PCDHA9: variants seen among roughly 807,000 people sequenced by gnomAD.
PCDHA9 encodes the protein protocadherin alpha 9, also known as protocadherin alpha-9.
Under a neutral mutation model 62.0 loss-of-function variants are expected in PCDHA9, and 62 were observed. That is an observed-to-expected ratio of 1.00 (90% CI 0.81 to 1.23). PCDHA9 has a LOEUF of 1.23. Among genes scored for constraint, PCDHA9 ranks in the 50% most tolerant of loss-of-function variants. PCDHA9 has a pLI of 0.00. For missense variants in PCDHA9, 1,205 were observed against 1,249.8 expected, an observed-to-expected ratio of 0.96 and a Z score of 0.54; for synonymous variants, 557 against 567.6, an observed-to-expected ratio of 0.98 and a Z score of 0.27.
Position 140,850,921 on chromosome 5 carries a change from T to G in PCDHA9, c.2394+32T>G, listed in dbSNP as rs2150502315. 43 of 1,526,092 alleles carry G rather than the reference T, an allele frequency of 2.8e-5. 3 individuals carry two copies. In the African/African-American group the frequency reaches 3.6e-4, roughly 13 times the overall value. 94.5% of individuals were successfully genotyped at this position (1,526,092 alleles called of 1,614,324 possible). ...TTTTCTAGCATTTTATTTATTTATA[T>G]AATTTTTTTTCTTGAAAGATATTAT... On this transcript the variant is annotated intron_variant, in intron 1 of 3. Coordinates refer to ENST00000532602, the MANE Select transcript of PCDHA9 (RefSeq NM_031857.2).
chr5:141,009,649 C>G lies in PCDHA9; in HGVS notation c.2565C>G (p.Ser855=). The change falls in exon 4 of 4, where the codon TCC becomes TCG. Residue 855 remains serine, a synonymous_variant. Coordinates refer to ENST00000532602, the MANE Select transcript of PCDHA9 (RefSeq NM_031857.2). ...ATPEPEAGEV[S]PPVGAGVNSN... ...CAGAACCAGAGGCAGGAGAAGTGTC[C>G]CCTCCAGTCGGTGCGGGTGTCAACA... 1 of 1,613,646 alleles carries G rather than the reference C, an allele frequency of 6.2e-7. No homozygotes were observed. The highest frequency in any genetic ancestry group is 8.5e-7 in the Non-Finnish European group (1 of 1,179,816).
chr5:140,851,254 A>G (rs2150271165), intron 1 of PCDHA9: 1 of 1,091,684 alleles, frequency 9.2e-7, no homozygotes, highest in East Asian at 4.0e-5. Context: ...GATGCATAGT[A>G]TTTTAGTCTA....
intron 1 of PCDHA9, chr5:140,860,013 G>T (rs1218796590): frequency 6.6e-6 from 1 of 151,942 alleles, no homozygotes; most frequent in African/African-American, 2.4e-5. Flanking sequence ...TTAAGGCCAG[G>T]CATGGTGGCT....
chr5:140,966,258 A>G, intron 1 of PCDHA9: 1 of 337,520 alleles, frequency 3.0e-6, no homozygotes, highest in Non-Finnish European at 5.3e-6. Context: ...GAGACGGTGG[A>G]GACTGGATGA....
intron 1 of PCDHA9, chr5:140,968,014 A>G: frequency 6.2e-7 from 1 of 1,614,194 alleles, no homozygotes; most frequent in Non-Finnish European, 8.5e-7. Flanking sequence ...ATGGCTTTGG[A>G]AACTCCTATA....
chr5:140,861,353 T>C lies in PCDHA9; in HGVS notation c.2394+10464T>C, dbSNP rs79040493. The C allele has an allele frequency of 1.3e-3, 424 of 327,094 alleles. 1 individual carries two copies. Among genetic ancestry groups the C allele is most frequent in the African/African-American group, 8.5e-3 (393 of 46,466 alleles). The allele number at this position is 327,094 out of a possible 1,614,324, so 20.3% of individuals were successfully genotyped here. On this transcript the variant is annotated intron_variant, in intron 1 of 3. Coordinates refer to ENST00000532602, the MANE Select transcript of PCDHA9 (RefSeq NM_031857.2). ...CCTGGAAGAGGCCAAGGACGGCACA[T>C]AGCGTCTTCGCGGTCCCTATTGCGC...
chr5:141,005,133 T>C (rs559773723), intron 3 of PCDHA9, among the ~76,000 whole-genome samples: 3 of 152,328 alleles, frequency 2.0e-5, no homozygotes, highest in Admixed American at 6.5e-5. Context: ...AAGTGCCTCA[T>C]TGGAGAGTTG....
At chr5:140,876,706 G>C in intron 1 of PCDHA9, 1 of 1,614,214 alleles carries the variant, frequency 6.2e-7, no homozygotes, top group South Asian at 1.1e-5. Context: ...GCTGGACAGC[G>C]CCCTGGACCG....
chr5:140,924,165 C>G (rs782754845), intron 1 of PCDHA9, among the ~76,000 whole-genome samples: 5 of 152,230 alleles, frequency 3.3e-5, no homozygotes, highest in Admixed American at 1.3e-4. Context: ...ATCCTAATCT[C>G]TGGCACTGAA....
intron 1 of PCDHA9, among the ~76,000 whole-genome samples, chr5:140,893,672 T>G (rs1554185735): frequency 6.6e-6 from 1 of 152,216 alleles, no homozygotes; most frequent in African/African-American, 2.4e-5. Flanking sequence ...ATTTCAGCAC[T>G]TTGGATATAT....
chr5:140,875,993 T>C lies in PCDHA9; in HGVS notation c.2394+25104T>C, dbSNP rs574636926. 5 of 1,613,988 alleles carry C rather than the reference T, an allele frequency of 3.1e-6. No homozygotes were observed. The Admixed American group carries it at 6.7e-5, about 22-fold the overall frequency. On this transcript the variant is annotated intron_variant, in intron 1 of 3. Transcript: ENST00000532602. The stretch of plus-strand genomic sequence containing the variant: ...TCTCTTTTGACCTATGCGTTAAGTC[T>C]AAATGAGAATTTTGAGCTTAAAATA...
intron 1 of PCDHA9, among the ~76,000 whole-genome samples, chr5:140,945,769 T>C (rs1358082978): frequency 1.3e-5 from 2 of 152,036 alleles, no homozygotes; most frequent in Non-Finnish European, 2.9e-5. Flanking sequence ...TGGGACAATT[T>C]GATATCCAGA....
intron 1 of PCDHA9, among the ~76,000 whole-genome samples, chr5:140,881,799 C>A (rs368456285): frequency 3.3e-5 from 5 of 152,282 alleles, no homozygotes; most frequent in Admixed American, 2.0e-4. Flanking sequence ...TGTCCCAAAA[C>A]GAGTGTCGAA....
chr5:140,987,005 T>C (rs1587197864), intron 3 of PCDHA9, among the ~76,000 whole-genome samples: 1 of 152,008 alleles, frequency 6.6e-6, no homozygotes. Context: ...CTTGAGGTCA[T>C]GAGTTCGAGA....
At chr5:140,892,242 C>A (rs1554185127) in intron 1 of PCDHA9, among the ~76,000 whole-genome samples, 3 of 152,034 alleles carry the variant, frequency 2.0e-5, no homozygotes, top group Non-Finnish European at 4.4e-5. Context: ...TCCACATAAA[C>A]CTGGTTATCT....
intron 1 of PCDHA9, among the ~76,000 whole-genome samples, chr5:140,855,454 C>T (rs2043476507): frequency 6.7e-6 from 1 of 149,874 alleles, no homozygotes; most frequent in Non-Finnish European, 1.5e-5. Flanking sequence ...GAGTTATAAA[C>T]ACCTCACAGA....
intron 1 of PCDHA9, among the ~76,000 whole-genome samples, chr5:140,970,004 G>A (rs1322154107): frequency 6.6e-6 from 1 of 152,200 alleles, no homozygotes; most frequent in Non-Finnish European, 1.5e-5. Context: ...CAGAGGGAGT[G>A]GATGATGGTG....
chr5:140,868,938 T>C, intron 1 of PCDHA9: 1 of 1,227,722 alleles, frequency 8.1e-7, no homozygotes. Context: ...AAGGTTGGTC[T>C]GAACAGTGAG....
chr5:140,849,684 C>T lies in PCDHA9; in HGVS notation c.1189C>T (p.Leu397=), dbSNP rs2150445118. The T allele has an allele frequency of 5.6e-6, 9 of 1,598,608 alleles. No individual in the cohort carries two copies. The highest frequency in any genetic ancestry group is 2.7e-5 in the African/African-American group (2 of 74,354). Residue 397 remains leucine (L), a synonymous_variant, in exon 1 of 4, where the codon CTG becomes TTG. Transcript: ENST00000532602. The part of the protein sequence containing the change: ...CSLTPHVPFK[L]VSTYKNYYSL... ...CCTGACGCCCCACGTCCCCTTCAAGCTGGTGTCCACCTACAAGAATTACTA... is the reference window on the plus strand; with the variant it reads ...CCTGACGCCCCACGTCCCCTTCAAGTTGGTGTCCACCTACAAGAATTACTA...
Sources: allele counts gnomAD v4.1 joint callset (sites outside exome capture counted in the v4.1 genomes callset), GRCh38; gene constraint gnomAD v4.1.1; transcripts MANE v1.5; gene names NCBI Gene and HGNC (gene_info 2026-07-23, HGNC 2026-07-21).